The following BCAR3 variants were observed in gnomAD, a reference collection of about 807,000 sequenced individuals.
BCAR3 encodes BCAR3 adaptor protein, NSP family member.
A neutral mutation model predicts 80.1 loss-of-function variants in BCAR3; 37 were observed. The observed-to-expected ratio is 0.46, with a 90% CI of 0.36 to 0.61. BCAR3 has a LOEUF of 0.61. BCAR3 is among the 20% of genes least tolerant of loss of function. The pLI, the probability that BCAR3 is intolerant of heterozygous loss-of-function variation, is 0.00. For missense variants in BCAR3, 978 were observed against 1,068.2 expected (o/e 0.92, Z 1.18); for synonymous variants, 389 against 418.9 (o/e 0.93, Z 0.87).
At chr1:93,814,653 G>C (rs903320454) in intron 2 of BCAR3, among the ~76,000 whole-genome samples, 4 of 152,222 alleles carry the variant, frequency 2.6e-5, no homozygotes, top group Admixed American at 2.6e-4. Context: ...GCCCATCTGG[G>C]GGTCACCACT....
At chr1:93,705,114 G>A (rs1649788613) in intron 3 of BCAR3, among the ~76,000 whole-genome samples, 1 of 152,166 alleles carries the variant, frequency 6.6e-6, no homozygotes, top group Admixed American at 6.5e-5. Flanking sequence ...TCCACCCGGG[G>A]TTGTTTCCAT....
chr1:93,781,787 A>G (rs576021433), intron 2 of BCAR3, among the ~76,000 whole-genome samples: 1 of 152,090 alleles, frequency 6.6e-6, no homozygotes, highest in Non-Finnish European at 1.5e-5. Flanking sequence ...GGGTTTTTAG[A>G]TTCTTACTTT....
chr1:93,583,892 C>T (rs1012119772), intron 6 of BCAR3, 126 bp downstream of exon 6: 7 of 869,186 alleles, frequency 8.1e-6, no homozygotes, highest in Non-Finnish European at 1.3e-5. Context: ...AAACCCATTC[C>T]CCTCCAGGCT....
At chr1:93,697,332 G>C (rs1649449237) in intron 3 of BCAR3, among the ~76,000 whole-genome samples, 1 of 152,232 alleles carries the variant, frequency 6.6e-6, no homozygotes, top group Non-Finnish European at 1.5e-5. Context: ...AGTCCAGCTG[G>C]GAGGGAGGGC....
At chr1:93,754,654 C>T (rs1271545258) in intron 2 of BCAR3, among the ~76,000 whole-genome samples, 2 of 152,124 alleles carry the variant, frequency 1.3e-5, no homozygotes, top group Admixed American at 6.5e-5. Flanking sequence ...GTGGTAACAT[C>T]GCAGTGCAGT....
intron 2 of BCAR3, among the ~76,000 whole-genome samples, chr1:93,713,519 G>A (rs1189577449): frequency 2.0e-5 from 3 of 152,170 alleles, no homozygotes; most frequent in Non-Finnish European, 4.4e-5. Context: ...GCAACATGCA[G>A]AGTGAAATGT....
chr1:93,602,562 G>A (rs1341065863), intron 3 of BCAR3: 1 of 152,212 alleles, frequency 6.6e-6, no homozygotes, highest in East Asian at 1.9e-4. Context: ...CGTCTTACAA[G>A]TAAATCCAAC....
chr1:93,625,020 C>A (rs528222295), intron 3 of BCAR3, among the ~76,000 whole-genome samples: 1 of 152,194 alleles, frequency 6.6e-6, no homozygotes, highest in Non-Finnish European at 1.5e-5. Flanking sequence ...ACCATCCTCA[C>A]TAACATGGTG....
chr1:93,758,447 G>A (rs1312462412), intron 2 of BCAR3, among the ~76,000 whole-genome samples: 1 of 152,220 alleles, frequency 6.6e-6, no homozygotes, highest in East Asian at 1.9e-4. Flanking sequence ...CAGACGACCA[G>A]CTTAAGCCTA....
chr1:93,740,525 C>A (rs1651139941), intron 2 of BCAR3, among the ~76,000 whole-genome samples: 1 of 152,208 alleles, frequency 6.6e-6, no homozygotes, highest in Admixed American at 6.5e-5. Flanking sequence ...TGCAGGGAGA[C>A]CACTAACAGG....
At chr1:93,567,562 T>C (rs1273226949) in intron 10 of BCAR3, 71 bp from the exon 11 acceptor site, 4 of 1,544,074 alleles carry the variant, frequency 2.6e-6, no homozygotes, top group Non-Finnish European at 3.5e-6. Context: ...AGGTGACTCA[T>C]AGCCCTTGTC....
intron 3 of BCAR3, among the ~76,000 whole-genome samples, chr1:93,618,570 AC>A (rs779729662): frequency 1.3e-5 from 2 of 152,208 alleles, no homozygotes; most frequent in Non-Finnish European, 2.9e-5. Context: ...TTGCTTTCTT[AC>A]GCTATCACAC....
chr1:93,701,937 C>T (rs1649657073), intron 3 of BCAR3, among the ~76,000 whole-genome samples: 1 of 152,170 alleles, frequency 6.6e-6, no homozygotes, highest in South Asian at 2.1e-4. Flanking sequence ...GGCATGGGCA[C>T]CACATAGAGA....
chr1:93,719,076 C>T (rs1265927823), intron 2 of BCAR3, among the ~76,000 whole-genome samples: 1 of 152,054 alleles, frequency 6.6e-6, no homozygotes, highest in Non-Finnish European at 1.5e-5. Context: ...CCCCAGACCA[C>T]CAATAGAGTT....
intron 2 of BCAR3, among the ~76,000 whole-genome samples, chr1:93,664,456 C>T (rs1202148631): frequency 6.6e-6 from 1 of 152,212 alleles, no homozygotes; most frequent in African/African-American, 2.4e-5. Context: ...TCTATCTTAT[C>T]TGAAAACATT....
upstream of BCAR3, among the ~76,000 whole-genome samples, chr1:93,684,140 T>G (rs573714933): frequency 2.0e-5 from 3 of 152,314 alleles, no homozygotes; most frequent in South Asian, 6.2e-4. Context: ...AAGTGTTTAG[T>G]GCAGTGAATG....
intron 2 of BCAR3, among the ~76,000 whole-genome samples, chr1:93,817,920 GCT>G (rs1404446929): frequency 1.3e-5 from 2 of 151,972 alleles, no homozygotes. Flanking sequence ...AGCCCTCTTG[GCT>G]CTGCCAGTCC....
chr1:93,695,941 A>G (rs180873725), intron 3 of BCAR3, among the ~76,000 whole-genome samples: 6 of 151,824 alleles, frequency 4.0e-5, no homozygotes, highest in Non-Finnish European at 5.9e-5. Flanking sequence ...TCTTTCCCCA[A>G]CCACCTTGAA....
intron 2 of BCAR3, among the ~76,000 whole-genome samples, chr1:93,780,566 AG>A (rs1557686191): frequency 0.014 from 1,963 of 143,592 alleles, 43 homozygotes; most frequent in African/African-American, 0.053. Context: ...AGTGAAGAGG[AG>A]AGGAAAAAAA....
Sources: gnomAD v4.1 joint callset for allele counts (sites outside exome capture counted in the v4.1 genomes callset) on GRCh38, gnomAD v4.1.1 for gene constraint, MANE v1.5 for transcripts, NCBI Gene and HGNC (gene_info 2026-07-23, HGNC 2026-07-21) for gene names.